Variants in ALDH1L2 observed in about 807,000 individuals in gnomAD.
The protein encoded by ALDH1L2 is mitochondrial 10-formyltetrahydrofolate dehydrogenase.
In ALDH1L2, 91 loss-of-function variants were observed where a neutral mutation model predicts 111.0. That is an observed-to-expected ratio of 0.82 (90% CI 0.69 to 0.98). The LOEUF (loss-of-function observed/expected upper bound fraction) is 0.98. Ranked by LOEUF, ALDH1L2 falls within the 50% of genes least tolerant of loss-of-function variation. ALDH1L2 has a pLI of 0.00. For missense variants in ALDH1L2, 995 were observed against 1,126.8 expected (o/e 0.88, Z 1.67); for synonymous variants, 374 against 392.6 (o/e 0.95, Z 0.56).
chr12:105,064,098 A>G (rs1431661561), intron 6 of ALDH1L2, among the ~76,000 whole-genome samples: 9 of 118,856 alleles, frequency 7.6e-5, no homozygotes, highest in Non-Finnish European at 1.6e-5. Flanking sequence ...TTACAGGCAC[A>G]TGCCACCACA....
intron 15 of ALDH1L2, among the ~76,000 whole-genome samples, chr12:105,046,185 C>CTATATATATATA (rs1565957006): frequency 3.9e-5 from 1 of 25,964 alleles, no homozygotes; most frequent in Non-Finnish European, 6.7e-5. Flanking sequence ...CTCTCTCTCT[C>CTATATATATATA]TCTCTCTCTA....
intron 1 of ALDH1L2, among the ~76,000 whole-genome samples, chr12:105,079,315 C>T (rs539393553): frequency 1.1e-4 from 16 of 152,312 alleles, no homozygotes; most frequent in African/African-American, 4.8e-5. Context: ...ATTCAGGATA[C>T]CATCCTAAAT....
At chr12:105,055,640 T>C (rs573874468) in intron 10 of ALDH1L2, among the ~76,000 whole-genome samples, 1 of 152,224 alleles carries the variant, frequency 6.6e-6, no homozygotes, top group African/African-American at 2.4e-5. Context: ...TTCAATAAGC[T>C]TTTGTAAATA....
At chr12:105,072,819 C>G (rs527376684) in intron 2 of ALDH1L2, among the ~76,000 whole-genome samples, 1 of 152,178 alleles carries the variant, frequency 6.6e-6, no homozygotes, top group African/African-American at 2.4e-5. Flanking sequence ...ACTAAAAATA[C>G]AAAAATTAGC....
chr12:105,031,335 T>TA (rs1874685075), intron 20 of ALDH1L2, among the ~76,000 whole-genome samples: 1 of 152,206 alleles, frequency 6.6e-6, no homozygotes. Flanking sequence ...CTGCAGTTCT[T>TA]ATGAATAGAA....
intron 15 of ALDH1L2, among the ~76,000 whole-genome samples, chr12:105,044,705 A>G (rs542675738): frequency 5.9e-5 from 9 of 151,770 alleles, no homozygotes; most frequent in Non-Finnish European, 8.8e-5. Context: ...GGATTCTGCT[A>G]TTAGAAACAT....
At chr12:105,071,973 C>A (rs1877757817) in intron 2 of ALDH1L2, among the ~76,000 whole-genome samples, 1 of 151,244 alleles carries the variant, frequency 6.6e-6, no homozygotes, top group South Asian at 2.1e-4. Context: ...GTGGCACATA[C>A]CTATAATCCT....
intron 12 of ALDH1L2, chr12:105,050,541 A>G (rs11112346): frequency 0.055 from 19,085 of 345,682 alleles, 1,090 homozygotes; most frequent in East Asian, 0.19. Flanking sequence ...TATAATGACT[A>G]TGATACGGTA....
chr12:105,036,514 T>TATATATATA, intron 18 of ALDH1L2, among the ~76,000 whole-genome samples: 2 of 23,664 alleles, frequency 8.5e-5, no homozygotes, highest in South Asian at 3.6e-3. Context: ...TATATATATT[T>TATATATATA]TATATATATA....
chr12:105,035,835 A>ATGTGTG lies in ALDH1L2; in HGVS notation c.2146-1438_2146-1437insCACACA, dbSNP rs569473287. ...CTATATATAGTGTGTCTATATATATATATATGTGTGTGTGTGTGTGTGTGT... is the reference window on the plus strand; with the variant it reads ...CTATATATAGTGTGTCTATATATATATGTGTGTATATGTGTGTGTGTGTGTGTGTGT... On this transcript the variant is annotated intron_variant, in intron 18 of 22. Transcript: ENST00000258494. Among the ~76,000 whole-genome samples the ATGTGTG allele has an allele frequency of 1.9e-4, 19 of 99,050 alleles. 2 individuals are homozygous for ATGTGTG. The highest frequency in any genetic ancestry group is 1.9e-3 in the South Asian group (7 of 3,656). 65.0% of individuals were successfully genotyped at this position (99,050 alleles called of 152,430 possible). A position where few individuals can be genotyped will look rare whatever the true frequency, so the allele number is the denominator to read the frequency against.
chr12:105,052,699 T>C, intron 11 of ALDH1L2, 113 bp downstream of exon 11: 1 of 1,319,510 alleles, frequency 7.6e-7, no homozygotes, highest in Non-Finnish European at 1.0e-6. Context: ...TGTGAAGTAC[T>C]TAGAGGCAGA....
At chr12:105,041,763 C>A (rs1875548386) in intron 15 of ALDH1L2, among the ~76,000 whole-genome samples, 1 of 152,128 alleles carries the variant, frequency 6.6e-6, no homozygotes, top group South Asian at 2.1e-4. Flanking sequence ...CTGTAATCAG[C>A]AGGTTATCAT....
chr12:105,046,592 A>G (rs190398506), intron 15 of ALDH1L2, 118 bp downstream of exon 15: 5 of 829,888 alleles, frequency 6.0e-6, no homozygotes, highest in South Asian at 1.8e-5. Flanking sequence ...TCCATGATAT[A>G]TGAGAAAAAT....
chr12:105,061,512 C>CA (rs1299281573), intron 8 of ALDH1L2, 115 bp downstream of exon 8: 6 of 1,433,776 alleles, frequency 4.2e-6, no homozygotes, highest in African/African-American at 1.4e-5. Flanking sequence ...GCAGCTAATA[C>CA]AAAAAAAGAG....
At chr12:105,081,143 C>T (rs974592592) in intron 1 of ALDH1L2, among the ~76,000 whole-genome samples, 3 of 152,164 alleles carry the variant, frequency 2.0e-5, no homozygotes, top group African/African-American at 7.2e-5. Flanking sequence ...GGGACTTGAA[C>T]ATCTTCAGAT....
rs572315615 is a variant in ALDH1L2, at chr12:105,068,059, G to A, written c.594+660C>T. Among the ~76,000 whole-genome samples, 11 of 152,192 alleles carry A rather than the reference G, an allele frequency of 7.2e-5. No individual in the cohort carries two copies. The South Asian group carries it at 1.0e-3, about 14-fold the overall frequency. On this transcript the variant is annotated intron_variant, in intron 4 of 22. Coordinates refer to ENST00000258494, the MANE Select transcript of ALDH1L2 (RefSeq NM_001034173.4). ...CTTGAGCTTAGGTCTTTCTGACATC[G>A]AAGCCCTACTCTCTTAATCATTGAA...
intron 8 of ALDH1L2, 124 bp from the exon 9 acceptor site, chr12:105,061,196 A>T: frequency 2.4e-6 from 2 of 817,692 alleles, no homozygotes; most frequent in Non-Finnish European, 2.0e-6. Context: ...ATACAGCTGG[A>T]TCACATTTCT....
At chr12:105,053,852 A>AATATG (rs76326082) in intron 10 of ALDH1L2, among the ~76,000 whole-genome samples, 58,087 of 150,700 alleles carry the variant, frequency 0.39, 12,402 homozygotes, top group Middle Eastern at 0.6. Context: ...ATTATTATAT[A>AATATG]TTATTATTAT....
At position 105,058,091 on chromosome 12, in the gene ALDH1L2, C is replaced by T; in HGVS notation, c.1269G>A (p.Val423=). Residue 423 remains valine, a synonymous_variant, in exon 10 of 23, where the codon GTG becomes GTA. Coordinates refer to ENST00000258494, the MANE Select transcript of ALDH1L2 (RefSeq NM_001034173.4). Reference sequence around the variant, plus strand: ...AGCTTACATAATCTACAACCAGCTCCACCTCTTGATCTTCTCCTCTCAGTT... The same window carrying T: ...AGCTTACATAATCTACAACCAGCTCTACCTCTTGATCTTCTCCTCTCAGTT... The part of the protein sequence containing the change: ...VRKLRGEDQE[V]ELVVDYISKE... 1 of 1,613,018 alleles carries T rather than the reference C, an allele frequency of 6.2e-7. No homozygotes were observed. Among genetic ancestry groups the T allele is most frequent in the Non-Finnish European group, 8.5e-7 (1 of 1,179,574 alleles).
Sources: gnomAD v4.1 joint callset for allele counts (sites outside exome capture counted in the v4.1 genomes callset) on GRCh38, gnomAD v4.1.1 for gene constraint, MANE v1.5 for transcripts, NCBI Gene and HGNC (gene_info 2026-07-23, HGNC 2026-07-21) for gene names.